TTN: variants seen among roughly 807,000 people sequenced by gnomAD.
The protein encoded by TTN is connectin.
A neutral mutation model predicts 3,223.0 loss-of-function variants in TTN; 1,525 were observed. That is an observed-to-expected ratio of 0.47 (90% CI 0.45 to 0.49). TTN has a LOEUF of 0.49. TTN is among the 20% of genes least tolerant of loss of function. The pLI is 0.00. For synonymous variants in TTN, 14,094 were observed against 15,161.0 expected (o/e 0.93, Z 5.17); for missense variants, 40,786 against 43,424.0 (o/e 0.94, Z 5.40).
chr2:178,760,630 C>A (rs190344931), intron 43 of TTN, among the ~76,000 whole-genome samples: 1 of 152,078 alleles, frequency 6.6e-6, no homozygotes, highest in East Asian at 1.9e-4. Context: ...AAATGGCATG[C>A]GTAATAATTT....
At position 178,634,771 on chromosome 2, in the gene TTN, G is replaced by A. The variant is rs1433887768; in HGVS notation, c.42103C>T (p.Leu14035Phe). ...GTAATTGCATTAAGGGCCTGGTAGA[G>A]GACTTCACCAGCTTGGTCCAGTTTG... Reference protein sequence around the residue: ...KVKLDQAGEVLYQALNAITTA... With the variant: ...KVKLDQAGEVFYQALNAITTA... The change falls in exon 229 of 363, where the codon CTC (leucine) becomes TTC (phenylalanine). Residue 14035 changes from leucine (L) to phenylalanine (F), a missense_variant. By Grantham distance (22) the Leu-to-Phe change is conservative (BLOSUM62 0). Coordinates refer to ENST00000589042, the MANE Select transcript of TTN (RefSeq NM_001267550.2). The surrounding 1 kb of genome is among the most constrained non-coding windows in gnomAD (Gnocchi z 4.6). The A allele has an allele frequency of 8.1e-6, 13 of 1,613,038 alleles. No homozygotes were observed. The highest frequency in any genetic ancestry group is 3.3e-5 in the South Asian group (3 of 91,024).
chr2:178,627,308 T>C lies in TTN; in HGVS notation c.44425-1912A>G, dbSNP rs77546001. Among the ~76,000 whole-genome samples the C allele has an allele frequency of 6.6e-3, 1,004 of 152,100 alleles. 11 individuals carry two copies. Among genetic ancestry groups the C allele is most frequent in the African/African-American group, 0.023 (951 of 41,550 alleles). ...AGTTTCTCTTCATATTTCCTATTCCTACAGCTTGTTTTTGCTTGTTTGGTT... is the reference window on the plus strand; with the variant it reads ...AGTTTCTCTTCATATTTCCTATTCCCACAGCTTGTTTTTGCTTGTTTGGTT... On this transcript the variant is annotated intron_variant, in intron 240 of 362. Coordinates refer to ENST00000589042, the MANE Select transcript of TTN (RefSeq NM_001267550.2).
Position 178,576,533 on chromosome 2 carries a change from T to A in TTN, c.69711A>T (p.Ala23237=). The part of the protein sequence containing the change: ...EASDSVLMKD[A]AYPPGPPSNP... ...TTGAAAAAGACAAATACTAACATGC[T>A]GCATCTTTCATCAGAACAGAATCTG... The change falls in exon 325 of 363, where the codon GCA becomes GCT. Residue 23237 remains alanine (A), a synonymous_variant. Transcript: ENST00000589042. The surrounding 1 kb of genome is among the most constrained non-coding windows in gnomAD (Gnocchi z 4.3). 1 of 1,612,730 alleles carries A rather than the reference T, an allele frequency of 6.2e-7. No homozygotes were observed. The highest frequency in any genetic ancestry group is 1.1e-5 in the South Asian group (1 of 90,694).
Position 178,551,950 on chromosome 2 carries a change from A to T in TTN, c.90950T>A (p.Val30317Glu), listed in dbSNP as rs759474127. ...AGGAATCCTGAACTGGTGTTTTGCC[A>T]CAATAATGCTTGAGACAAGTGGTTG... ...VSQPLVSSII[V>E]AKHQFRIPGP... The change falls in exon 335 of 363, where the codon GTG (valine) becomes GAG (glutamate). Residue 30317 changes from valine to glutamate, a missense_variant. Physicochemically the swap from Val to Glu is moderately radical, Grantham distance 121. Coordinates refer to ENST00000589042, the MANE Select transcript of TTN (RefSeq NM_001267550.2). 13 of 1,612,776 alleles carry T rather than the reference A, an allele frequency of 8.1e-6. No individual in the cohort carries two copies. The South Asian group carries it at 9.9e-5, about 12-fold the overall frequency.
intron 132 of TTN, 114 bp from the exon 133 acceptor site, chr2:178,684,196 TAAAAC>T (rs1322936646): frequency 2.2e-6 from 3 of 1,384,514 alleles, no homozygotes; most frequent in Non-Finnish European, 3.0e-6. Flanking sequence ...ATTTCAAACA[TAAAAC>T]AACAACTGTA....
chr2:178,757,176 T>TTGCTTTAAGTACAGTAATACTG (rs2087373095), intron 45 of TTN, among the ~76,000 whole-genome samples: 1 of 151,670 alleles, frequency 6.6e-6, no homozygotes, highest in African/African-American at 2.4e-5. Flanking sequence ...AATACTGTAC[T>TTGCTTTAAGTACAGTAATACTG]TACTTTAAGT....
intron 350 of TTN, 30 bp downstream of exon 350, chr2:178,541,248 CTCAA>C: frequency 3.5e-6 from 5 of 1,435,754 alleles, no homozygotes; most frequent in Non-Finnish European, 4.6e-6. Context: ...TAAATTGTAA[CTCAA>C]TCAATTTGAC....
At chr2:178,750,256 C>T (rs1561021619) in intron 47 of TTN, 1 of 1,613,274 alleles carries the variant, frequency 6.2e-7, no homozygotes, top group Admixed American at 1.7e-5. Flanking sequence ...AGTCATGGAA[C>T]ACTGGGACTT....
intron 10 of TTN, 97 bp from the exon 11 acceptor site, chr2:178,790,942 T>A: frequency 7.0e-7 from 1 of 1,431,962 alleles, no homozygotes; most frequent in Non-Finnish European, 9.6e-7. Flanking sequence ...GGATGCTTAG[T>A]GGTGAACGAT....
At chr2:178,582,779 C>A in intron 313 of TTN, 161 bp downstream of exon 313, 1 of 892,044 alleles carries the variant, frequency 1.1e-6, no homozygotes, top group Non-Finnish European at 1.6e-6. Flanking sequence ...ATTTCTAAAG[C>A]TCTTTTTAAC....
Position 178,766,427 on chromosome 2 carries a change from G to T in TTN, c.9657C>A (p.Thr3219=). The T allele has an allele frequency of 6.2e-7, 1 of 1,614,054 alleles. No homozygotes were observed. The highest frequency in any genetic ancestry group is 8.5e-7 in the Non-Finnish European group (1 of 1,179,948). Residue 3219 remains threonine, a synonymous_variant, in exon 41 of 363, where the codon ACC becomes ACA. Transcript: ENST00000589042. ...ETRQSDAGEY[T]FVAGRNRSSV... ...AACTCCTGTTCCTTCCTGCCACAAA[G>T]GTGTATTCTCCTGCATCGCTCTGTC...
rs371017136 is a variant in TTN, at chr2:178,537,675, C to T, written c.99532G>A (p.Glu33178Lys). 1.9e-6 allele frequency: 3 copies of T among 1,613,710 alleles called. No individual in the cohort carries two copies. The African/African-American group carries it at 4.0e-5, about 22-fold the overall frequency. The change falls in exon 355 of 363, where the codon GAG becomes AAG. Residue 33178 changes from glutamate to lysine, a missense_variant. Coordinates refer to ENST00000589042, the MANE Select transcript of TTN (RefSeq NM_001267550.2). ...EGVYTCIATN[E>K]VGEVETSSKL... is the part of the protein sequence containing the mutation. ...CTACTGGTTTCTACTTCTCCAACCT[C>T]ATTGGTGGCTATGCAGGTATAAACA... is the stretch of plus-strand genomic sequence containing the variant.
chr2:178,668,501 T>C (rs2066364657), intron 159 of TTN, among the ~76,000 whole-genome samples: 1 of 151,554 alleles, frequency 6.6e-6, no homozygotes, highest in Non-Finnish European at 1.5e-5. Context: ...GAGGCTGAGG[T>C]GGGCGGGTCA....
At chr2:178,683,342 G>C in intron 133 of TTN, 51 bp from the exon 134 acceptor site, 1 of 1,180,030 alleles carries the variant, frequency 8.5e-7, no homozygotes, top group Non-Finnish European at 1.2e-6. Context: ...GAAAATGTGT[G>C]TGTGAAGAGA....
rs1220596514 is a variant in TTN, at chr2:178,590,510, T to G, written c.61215A>C (p.Gly20405=). Residue 20405 remains glycine, a synonymous_variant, in exon 304 of 363, where the codon GGA becomes GGC. Coordinates refer to ENST00000589042, the MANE Select transcript of TTN (RefSeq NM_001267550.2). The part of the protein sequence containing the change: ...PLSDGGSPIL[G]YVVECQKPGT... ...CAGGTTTCTGACATTCCACTACATA[T>G]CCTAGAATGGGGCTACCACCATCAC... The G allele has an allele frequency of 6.2e-7, 1 of 1,612,960 alleles. No homozygotes were observed. Among genetic ancestry groups the G allele is most frequent in the Admixed American group, 1.7e-5 (1 of 59,928 alleles).
chr2:178,647,603 T>G (rs1220891239), intron 213 of TTN, 139 bp from the exon 214 acceptor site: 1 of 720,110 alleles, frequency 1.4e-6, no homozygotes, highest in Non-Finnish European at 2.3e-6. Flanking sequence ...TGGCACCATT[T>G]TGGACATCCT....
Position 178,694,590 on chromosome 2 carries a change from G to A in TTN, c.31426+9C>T. On this transcript the variant is annotated intron_variant, in intron 117 of 362. Transcript: ENST00000589042. ...TTTGAACTTGTAGCTGAAACACAAA[G>A]ATGTATACCTTTCACTTCAATAACT... is the stretch of plus-strand genomic sequence containing the variant. 6.5e-7 allele frequency: 1 copy of A among 1,549,726 alleles called. No homozygotes were observed. Among genetic ancestry groups the A allele is most frequent in the Non-Finnish European group, 8.7e-7 (1 of 1,145,520 alleles).
Position 178,617,150 on chromosome 2 carries a change from G to A in TTN, c.47845C>T (p.Leu15949Phe). ...KAGVSDPSEI[L>F]GPLTADDAFV... is the part of the protein sequence containing the mutation. ...GCATCGTCAGCGGTGAGAGGACCAAGAATTTCAGATGGATCTGAAACACCA... is the reference window on the plus strand; with the variant it reads ...GCATCGTCAGCGGTGAGAGGACCAAAAATTTCAGATGGATCTGAAACACCA... The change falls in exon 255 of 363, where the codon CTT (leucine) becomes TTT (phenylalanine). Residue 15949 changes from leucine to phenylalanine, a missense_variant. By Grantham distance (22) the Leu-to-Phe change is conservative (BLOSUM62 0). Coordinates refer to ENST00000589042, the MANE Select transcript of TTN (RefSeq NM_001267550.2). 1 of 1,607,738 alleles carries A rather than the reference G, an allele frequency of 6.2e-7. No homozygotes were observed. Among genetic ancestry groups the A allele is most frequent in the East Asian group, 2.3e-5 (1 of 44,318 alleles).
chr2:178,770,821 C>T, intron 34 of TTN, 146 bp from the exon 35 acceptor site: 1 of 1,062,760 alleles, frequency 9.4e-7, no homozygotes, highest in Non-Finnish European at 1.4e-6. Flanking sequence ...TTTTAAAAAA[C>T]ACCTGAGATT....
Sources: gnomAD v4.1 joint callset for allele counts (sites outside exome capture counted in the v4.1 genomes callset) on GRCh38, gnomAD v4.1.1 for gene constraint, Gnocchi (gnomAD v3.1) non-coding constraint, MANE v1.5 for transcripts, NCBI Gene and HGNC (gene_info 2026-07-23, HGNC 2026-07-21) for gene names.